Variants in CHD9 observed in about 807,000 individuals in gnomAD.
The protein encoded by CHD9 is chromodomain helicase DNA binding protein 9, also known as ATP-dependent chromatin remodeler CHD9.
CHD9 carries 77 observed loss-of-function variants against 316.1 expected under a neutral mutation model. The ratio of observed to expected loss-of-function variants is 0.24; its 90% CI spans 0.20 to 0.29. The LOEUF is 0.29. Ranked by LOEUF, CHD9 falls within the 10% of genes least tolerant of loss-of-function variation. CHD9 has a pLI of 1.00. For synonymous variants in CHD9, 1,129 were observed against 1,158.3 expected (o/e 0.97, Z 0.51); for missense variants, 2,763 against 3,438.1 (o/e 0.80, Z 4.91).
rs140282677 is a variant in CHD9, at chr16:53,111,607, C to T, written c.-164-44319C>T. On this transcript the variant is annotated intron_variant, in intron 1 of 38. Coordinates refer to ENST00000447540, the MANE Select transcript of CHD9 (RefSeq NM_001308319.2). ...TCCAACCCCAGGCTGATGAAATGAA[C>T]AAGTAGCCAACGAATACCATGGGAA... Among the ~76,000 whole-genome samples the T allele has an allele frequency of 1.2e-3, 188 of 152,298 alleles. 1 individual carries two copies. The highest frequency in any genetic ancestry group is 2.5e-4 in the Non-Finnish European group (17 of 68,018).
At chr16:53,242,169 A>G (rs924989833) in intron 12 of CHD9, among the ~76,000 whole-genome samples, 1 of 152,186 alleles carries the variant, frequency 6.6e-6, no homozygotes, top group Non-Finnish European at 1.5e-5. Context: ...TGGTCTCCCA[A>G]CCACTCTATA....
chr16:53,323,648 G>T (rs1197458086), intron 38 of CHD9, among the ~76,000 whole-genome samples: 2 of 152,132 alleles, frequency 1.3e-5, no homozygotes, highest in South Asian at 4.1e-4. Flanking sequence ...CAATTAGAAG[G>T]GAGCCACTTC....
At chr16:53,121,604 T>A (rs1462282749) in intron 1 of CHD9, 2 of 350,000 alleles carry the variant, frequency 5.7e-6, no homozygotes, top group Non-Finnish European at 1.1e-5. Flanking sequence ...GAAGAACAGC[T>A]CTCTGGCTGA....
chr16:53,119,999 G>A (rs962138700), intron 1 of CHD9, among the ~76,000 whole-genome samples: 1 of 152,014 alleles, frequency 6.6e-6, no homozygotes, highest in African/African-American at 2.4e-5. Context: ...GCTGACGCAG[G>A]AGGGTTGCTT....
At chr16:53,162,470 G>A (rs1017529657) in intron 2 of CHD9, among the ~76,000 whole-genome samples, 1 of 151,922 alleles carries the variant, frequency 6.6e-6, no homozygotes, top group African/African-American at 2.4e-5. Flanking sequence ...TTTAGTTTTT[G>A]TCTTATTCGT....
At chr16:53,232,105 T>A (rs546375134) in intron 10 of CHD9, among the ~76,000 whole-genome samples, 3 of 152,326 alleles carry the variant, frequency 2.0e-5, no homozygotes, top group African/African-American at 7.2e-5. Flanking sequence ...CTTCCTAGTA[T>A]TATTTTCTGG....
intron 38 of CHD9, 49 bp downstream of exon 38, chr16:53,321,679 C>A: frequency 1.0e-6 from 1 of 953,824 alleles, no homozygotes; most frequent in Non-Finnish European, 1.5e-6. Context: ...AAATTAGGTG[C>A]CATTCAATTA....
intron 1 of CHD9, among the ~76,000 whole-genome samples, chr16:53,111,643 C>T (rs1303720518): frequency 6.6e-6 from 1 of 152,200 alleles, no homozygotes. Context: ...GATTCTGACT[C>T]ATTATCCAGT....
Position 53,228,600 on chromosome 16 carries a change from T to G in CHD9, c.2169-383T>G, listed in dbSNP as rs572210906. ...CTGTCGCCCAGGCCGGACTGCGGAC[T>G]GCAGTGGCGCAATCTCGGCTCACTG... On this transcript the variant is annotated intron_variant, in intron 7 of 38. Coordinates refer to ENST00000447540, the MANE Select transcript of CHD9 (RefSeq NM_001308319.2). Among the ~76,000 whole-genome samples, 70 of 145,354 alleles carry G rather than the reference T, an allele frequency of 4.8e-4. 2 individuals are homozygous for G. The South Asian group carries it at 0.014, about 29-fold the overall frequency.
At chr16:53,090,694 C>A (rs1025208302) in intron 1 of CHD9, among the ~76,000 whole-genome samples, 1 of 152,154 alleles carries the variant, frequency 6.6e-6, no homozygotes, top group Non-Finnish European at 1.5e-5. Context: ...CTCTTTCTCT[C>A]CAGCTGTAAA....
At chr16:53,291,270 G>T (rs115827576) in intron 27 of CHD9, among the ~76,000 whole-genome samples, 1,688 of 152,280 alleles carry the variant, frequency 0.011, 41 homozygotes, top group African/African-American at 0.039. Flanking sequence ...AAGATGCTCT[G>T]TTGACAAAAA....
intron 24 of CHD9, among the ~76,000 whole-genome samples, chr16:53,279,102 A>G (rs1346474920): frequency 6.6e-6 from 1 of 152,202 alleles, no homozygotes; most frequent in Non-Finnish European, 1.5e-5. Flanking sequence ...GAGACTTGGA[A>G]CCAACCCAAA....
intron 29 of CHD9, among the ~76,000 whole-genome samples, chr16:53,296,682 C>T (rs1282102468): frequency 2.6e-5 from 4 of 151,698 alleles, no homozygotes; most frequent in South Asian, 2.1e-4. Context: ...CCTGACCTTG[C>T]GATCCGCCCG....
intron 1 of CHD9, among the ~76,000 whole-genome samples, chr16:53,117,309 T>A (rs750532606): frequency 3.4e-4 from 51 of 152,108 alleles, no homozygotes; most frequent in Non-Finnish European, 6.0e-4. Context: ...AAAAATTCAA[T>A]TATATATTTG....
chr16:53,306,500 A>G, intron 32 of CHD9, 103 bp downstream of exon 32: 1 of 948,966 alleles, frequency 1.1e-6, no homozygotes, highest in East Asian at 3.0e-5. Context: ...GTCAGCGTAA[A>G]ATGTAGGATG....
At position 53,245,868 on chromosome 16, in the gene CHD9, C is replaced by A; in HGVS notation, c.3454+18C>A. ...TATAAAAGGTAGCTAAAAAAGATTA[C>A]AACAAATATGTTTTTTCTTGCAACA... is the stretch of plus-strand genomic sequence containing the variant. On this transcript the variant is annotated intron_variant, in intron 15 of 38. Transcript: ENST00000447540. This position sits in a 1 kb window ranked among gnomAD's most constrained non-coding sequence, Gnocchi z 4.1. 1 of 1,455,034 alleles carries A rather than the reference C, an allele frequency of 6.9e-7. No individual in the cohort carries two copies. The highest frequency in any genetic ancestry group is 9.1e-7 in the Non-Finnish European group (1 of 1,099,978). The allele number at this position is 1,455,034 out of a possible 1,614,324, so 90.1% of individuals were successfully genotyped here.
chr16:53,250,174 GTTTC>G, intron 17 of CHD9, 108 bp downstream of exon 17: 1 of 679,518 alleles, frequency 1.5e-6, no homozygotes, highest in Non-Finnish European at 2.4e-6. Context: ...ACTAATGTAT[GTTTC>G]TCTATGAAAT....
At chr16:53,064,443 G>A (rs1277178237) in intron 1 of CHD9, among the ~76,000 whole-genome samples, 1 of 152,094 alleles carries the variant, frequency 6.6e-6, no homozygotes, top group Non-Finnish European at 1.5e-5. Context: ...GGGTGTGATT[G>A]GGGTGACTGA....
intron 24 of CHD9, among the ~76,000 whole-genome samples, chr16:53,280,657 C>G (rs1168803527): frequency 6.6e-6 from 1 of 151,020 alleles, no homozygotes; most frequent in Non-Finnish European, 1.5e-5. Context: ...CACCTGTTCT[C>G]CAAAAACCTA....
Sources: gnomAD v4.1 joint callset for allele counts (sites outside exome capture counted in the v4.1 genomes callset) on GRCh38, gnomAD v4.1.1 for gene constraint, Gnocchi (gnomAD v3.1) non-coding constraint, MANE v1.5 for transcripts, NCBI Gene and HGNC (gene_info 2026-07-23, HGNC 2026-07-21) for gene names.